ZMYM6: variants seen among roughly 807,000 people sequenced by gnomAD.
ZMYM6 encodes zinc finger MYM-type containing 6, also known as zinc finger MYM-type protein 6.
In ZMYM6, 90 loss-of-function variants were observed where a neutral mutation model predicts 134.0. The observed-to-expected ratio is 0.67, with a 90% CI of 0.57 to 0.80. ZMYM6 has a LOEUF of 0.80. ZMYM6 is among the 30% of genes least tolerant of loss of function. The probability of loss-of-function intolerance (pLI) is 0.00; values close to 1 mark genes in which losing one functional copy is unlikely to be tolerated. For missense variants in ZMYM6, 1,362 were observed against 1,533.9 expected (o/e 0.89, Z 1.87); for synonymous variants, 481 against 524.1 (o/e 0.92, Z 1.12).
chr1:35,010,415 A>G (rs771789376), intron 10 of ZMYM6, 32 bp downstream of exon 10: 13 of 1,593,518 alleles, frequency 8.2e-6, no homozygotes, highest in South Asian at 2.3e-5. Flanking sequence ...ATAACAACCC[A>G]TGCTCTGTGA....
chr1:35,001,183 A>G (rs1036248125), intron 14 of ZMYM6, among the ~76,000 whole-genome samples: 2 of 152,076 alleles, frequency 1.3e-5, no homozygotes, highest in East Asian at 3.9e-4. Flanking sequence ...CACCTTTCCC[A>G]AAAATTTAAA....
At chr1:35,009,044 C>A in intron 10 of ZMYM6, 120 bp from the exon 11 acceptor site, 1 of 1,041,810 alleles carries the variant, frequency 9.6e-7, no homozygotes, top group South Asian at 1.8e-5. Context: ...CAATTATTTG[C>A]CTCTAGATTA....
intron 4 of ZMYM6, among the ~76,000 whole-genome samples, chr1:35,015,458 G>C (rs1056453052): frequency 1.1e-4 from 17 of 151,936 alleles, no homozygotes; most frequent in Admixed American, 8.5e-4. Flanking sequence ...AGGTGCGGTG[G>C]TTCATGCATG....
At chr1:35,015,746 A>T (rs1569781603) in intron 4 of ZMYM6, among the ~76,000 whole-genome samples, 2 of 132,008 alleles carry the variant, frequency 1.5e-5, no homozygotes, top group East Asian at 4.1e-4. Context: ...AAAAAAAAAT[A>T]TATATATATA....
rs769517680 is a variant in ZMYM6 at position 34,995,529 on chromosome 1, GA to G, written c.1993-3143del. On this transcript the variant is annotated intron_variant, in intron 14 of 15. Transcript: ENST00000357182. ...CAATATACTATAATAAAAATTATGT[GA>G]AGGTACTCTCTCTCAAAATATCTTA... 2.3e-4 allele frequency among the ~76,000 whole-genome samples: 35 copies of G among 151,934 alleles called. 1 individual carries two copies. Among genetic ancestry groups the G allele is most frequent in the African/African-American group, 7.5e-4 (31 of 41,326 alleles).
Position 35,005,275 on chromosome 1 carries a change from G to A in ZMYM6, c.1814-3C>T. On this transcript the variant is annotated splice_region_variant and splice_polypyrimidine_tract_variant and intron_variant, in intron 12 of 15. Coordinates refer to ENST00000357182, the MANE Select transcript of ZMYM6 (RefSeq NM_007167.4). ...AGTTTTTGCTTTAGAAATATTTACT[G>A]ATTAAAATAAAAAGTTAAGATCTGG... 1 of 1,613,368 alleles carries A rather than the reference G, an allele frequency of 6.2e-7. No individual in the cohort carries two copies. The highest frequency in any genetic ancestry group is 8.5e-7 in the Non-Finnish European group (1 of 1,179,714).
At chr1:35,023,095 A>C (rs1393381535) in intron 2 of ZMYM6, among the ~76,000 whole-genome samples, 2 of 152,102 alleles carry the variant, frequency 1.3e-5, no homozygotes, top group African/African-American at 4.8e-5. Context: ...CGATATGTAC[A>C]CAAAATGCTA....
intron 14 of ZMYM6, among the ~76,000 whole-genome samples, chr1:35,001,287 T>C (rs1465404469): frequency 1.4e-4 from 21 of 146,512 alleles, no homozygotes; most frequent in South Asian, 1.3e-3. Context: ...TTTTTTTTTT[T>C]CACATTGTAA....
At chr1:35,005,909 T>C (rs1640958072) in intron 12 of ZMYM6, among the ~76,000 whole-genome samples, 1 of 152,232 alleles carries the variant, frequency 6.6e-6, no homozygotes, top group Non-Finnish European at 1.5e-5. Flanking sequence ...AAGGTAATCA[T>C]TAATAAGACT....
rs1406707845 is a variant in ZMYM6, at chr1:34,987,869, A to G, written c.3213T>C (p.Arg1071=). The change falls in exon 16 of 16, where the codon CGT becomes CGC. Residue 1071 remains arginine (R), a synonymous_variant. Coordinates refer to ENST00000357182, the MANE Select transcript of ZMYM6 (RefSeq NM_007167.4). ...HVSLPLHAEV[R]WISRGRMLKR... The stretch of plus-strand genomic sequence containing the variant: ...TTAACATTCTCCCTCTTGATATCCA[A>G]CGTACTTCAGCATGAAGCGGTAAAC... The G allele has an allele frequency of 1.8e-5, 28 of 1,551,414 alleles. No individual in the cohort carries two copies. The highest frequency in any genetic ancestry group is 2.4e-5 in the Non-Finnish European group (27 of 1,146,942).
At position 34,987,365 on chromosome 1, in the gene ZMYM6, A is replaced by C. The variant is rs202218741; in HGVS notation, c.3717T>G (p.Ser1239=). The C allele has an allele frequency of 4.1e-5, 66 of 1,613,908 alleles. No individual in the cohort carries two copies. The highest frequency in any genetic ancestry group is 3.3e-5 in the Admixed American group (2 of 59,990). Residue 1239 remains serine, a synonymous_variant, in exon 16 of 16, where the codon TCT becomes TCG. Coordinates refer to ENST00000357182, the MANE Select transcript of ZMYM6 (RefSeq NM_007167.4). ...DFEEEKLTEL[S]SDLGLQALFK... is the part of the protein sequence containing the mutation. ...ATAGTGCTTGTAATCCTAAATCTGA[A>C]GATAGCTCTGTTAGCTTTTCTTCTT...
At chr1:34,989,053 G>A in intron 15 of ZMYM6, 118 bp from the exon 16 acceptor site, 2 of 1,486,312 alleles carry the variant, frequency 1.3e-6, no homozygotes, top group Non-Finnish European at 1.8e-6. Flanking sequence ...TCAAAAGAAT[G>A]CACTGGTAAA....
chr1:35,016,186 C>T (rs574196253), intron 4 of ZMYM6, among the ~76,000 whole-genome samples: 5 of 151,986 alleles, frequency 3.3e-5, no homozygotes, highest in East Asian at 1.9e-4. Context: ...CCTGACCTCG[C>T]GATCCGCCTG....
At chr1:35,020,001 C>A (rs1641276230) in intron 3 of ZMYM6, among the ~76,000 whole-genome samples, 1 of 152,108 alleles carries the variant, frequency 6.6e-6, no homozygotes. Flanking sequence ...AATTCCCAAT[C>A]TTGAAATCCA....
At chr1:35,014,259 T>G (rs1569779038) in intron 6 of ZMYM6, among the ~76,000 whole-genome samples, 1 of 152,346 alleles carries the variant, frequency 6.6e-6, no homozygotes, top group East Asian at 1.9e-4. Flanking sequence ...ATGGTTTTCT[T>G]GCTATCAATA....
intron 2 of ZMYM6, 177 bp downstream of exon 2, chr1:35,030,370 T>C: frequency 3.4e-6 from 2 of 589,666 alleles, no homozygotes; most frequent in East Asian, 2.9e-5. Flanking sequence ...AGGTGGAGGC[T>C]GCAGTGAGCT....
intron 2 of ZMYM6, among the ~76,000 whole-genome samples, chr1:35,027,022 A>C (rs556116452): frequency 6.6e-6 from 1 of 152,300 alleles, no homozygotes; most frequent in South Asian, 2.1e-4. Flanking sequence ...AAAAAGAGAG[A>C]GAGAACAGCT....
chr1:35,001,441 T>A (rs1172323216), intron 14 of ZMYM6, among the ~76,000 whole-genome samples: 1 of 152,060 alleles, frequency 6.6e-6, no homozygotes, highest in African/African-American at 2.4e-5. Flanking sequence ...ACATGAAATA[T>A]GAGGTATATG....
At chr1:34,991,995 T>A in intron 15 of ZMYM6, 1 of 525,268 alleles carries the variant, frequency 1.9e-6, no homozygotes, top group Non-Finnish European at 3.4e-6. Context: ...ACAGGTTAAA[T>A]CACTAATGCT....
Sources: gnomAD v4.1 joint callset for allele counts (sites outside exome capture counted in the v4.1 genomes callset) on GRCh38, gnomAD v4.1.1 for gene constraint, MANE v1.5 for transcripts, NCBI Gene and HGNC (gene_info 2026-07-23, HGNC 2026-07-21) for gene names.